OVCH1: variants seen among roughly 807,000 people sequenced by gnomAD.
The protein encoded by OVCH1 is ovochymase-1.
Under a neutral mutation model 138.4 loss-of-function variants are expected in OVCH1, and 139 were observed. The observed-to-expected ratio is 1.00, with a 90% CI of 0.87 to 1.16. The LOEUF (loss-of-function observed/expected upper bound fraction) is 1.16. OVCH1 is among the 50% of genes most tolerant of loss of function. The pLI is 0.00. For missense variants in OVCH1, 1,367 were observed against 1,357.9 expected (o/e 1.01, Z -0.11); for synonymous variants, 453 against 467.8 (o/e 0.97, Z 0.41).
At chr12:29,411,071 G>A (rs1940948755), downstream of OVCH1, among the ~76,000 whole-genome samples, 2 of 133,742 alleles carry the variant, frequency 1.5e-5, no homozygotes, top group East Asian at 4.4e-4. Flanking sequence ...TTCCATCGCT[G>A]ATACCCTTTC....
At chr12:29,455,521 A>T in intron 19 of OVCH1, 116 bp from the exon 20 acceptor site, 1 of 1,174,268 alleles carries the variant, frequency 8.5e-7, no homozygotes, top group Non-Finnish European at 1.1e-6. Context: ...TTCCTTAAAG[A>T]TTTGTTTTGT....
intron 3 of OVCH1, among the ~76,000 whole-genome samples, chr12:29,420,150 T>G (rs992525075): frequency 6.6e-6 from 1 of 152,212 alleles, no homozygotes; most frequent in Admixed American, 6.5e-5. Flanking sequence ...CTGAGCAACC[T>G]TTAAACTGAG....
At chr12:29,425,072 A>G (rs1306216969), downstream of OVCH1, among the ~76,000 whole-genome samples, 2 of 152,188 alleles carry the variant, frequency 1.3e-5, no homozygotes, top group Non-Finnish European at 2.9e-5. Flanking sequence ...CTTGACTTCA[A>G]TGAAGCACTT....
chr12:29,497,387 A>G (rs546402082), intron 1 of OVCH1, among the ~76,000 whole-genome samples: 1 of 152,324 alleles, frequency 6.6e-6, no homozygotes, highest in East Asian at 1.9e-4. Context: ...TACACACATG[A>G]TTAGCAGGTG....
intron 27 of OVCH1, among the ~76,000 whole-genome samples, chr12:29,430,514 C>CAAT (rs1941249818): frequency 2.0e-5 from 3 of 152,144 alleles, no homozygotes. Context: ...GGGTGAGGTT[C>CAAT]CCAGGTCAAT....
At chr12:29,446,704 T>C (rs1485967950) in intron 22 of OVCH1, among the ~76,000 whole-genome samples, 1 of 152,052 alleles carries the variant, frequency 6.6e-6, no homozygotes, top group Non-Finnish European at 1.5e-5. Flanking sequence ...AATAATATAG[T>C]ATATTATTGA....
intron 15 of OVCH1, among the ~76,000 whole-genome samples, chr12:29,472,635 T>C (rs1346675339): frequency 6.6e-6 from 1 of 152,190 alleles, no homozygotes; most frequent in Non-Finnish European, 1.5e-5. Context: ...TGTGGAACAA[T>C]GAGGGATCAT....
At chr12:29,419,894 C>T (rs562666003) in intron 3 of OVCH1, among the ~76,000 whole-genome samples, 2 of 152,154 alleles carry the variant, frequency 1.3e-5, no homozygotes, top group South Asian at 4.2e-4. Flanking sequence ...CTGAAAATTG[C>T]CTTATAAGGA....
intron 5 of OVCH1, 104 bp from the exon 6 acceptor site, chr12:29,489,875 T>C (rs1183970043): frequency 1.6e-6 from 2 of 1,220,916 alleles, no homozygotes; most frequent in Non-Finnish European, 2.3e-6. Context: ...TTTAACCACA[T>C]GTAGAAGTAA....
At chr12:29,433,200 A>G (rs1592033917) in intron 27 of OVCH1, among the ~76,000 whole-genome samples, 1 of 151,922 alleles carries the variant, frequency 6.6e-6, no homozygotes, top group African/African-American at 2.4e-5. Flanking sequence ...CCCAAATCTC[A>G]CCTTGAATTG....
At chr12:29,492,964 T>C (rs559742412) in intron 4 of OVCH1, among the ~76,000 whole-genome samples, 2 of 152,272 alleles carry the variant, frequency 1.3e-5, no homozygotes, top group African/African-American at 4.8e-5. Context: ...CCCAGAAAGA[T>C]GGGAATTGCG....
intron 22 of OVCH1, among the ~76,000 whole-genome samples, chr12:29,448,065 A>T (rs1380016541): frequency 6.6e-6 from 1 of 150,496 alleles, no homozygotes; most frequent in Non-Finnish European, 1.5e-5. Flanking sequence ...GCTTCGTGGG[A>T]GACAATTTTT....
downstream of OVCH1, among the ~76,000 whole-genome samples, chr12:29,426,215 T>C (rs888854498): frequency 1.3e-5 from 2 of 152,202 alleles, no homozygotes; most frequent in African/African-American, 2.4e-5. Context: ...TTATTTAATC[T>C]CACCATGACC....
intron 3 of OVCH1, among the ~76,000 whole-genome samples, chr12:29,416,754 CA>C (rs1164762307): frequency 6.6e-6 from 1 of 152,112 alleles, no homozygotes; most frequent in Non-Finnish European, 1.5e-5. Context: ...TAGTTTATTA[CA>C]AAACTAAACA....
chr12:29,451,807 T>G (rs1941803785), intron 21 of OVCH1, among the ~76,000 whole-genome samples: 1 of 152,204 alleles, frequency 6.6e-6, no homozygotes, highest in Admixed American at 6.5e-5. Context: ...TAAATGAATT[T>G]TTAAAGTTTC....
At chr12:29,423,144 G>A, downstream of OVCH1, 1 of 436,156 alleles carries the variant, frequency 2.3e-6, no homozygotes, top group Non-Finnish European at 4.6e-6. Flanking sequence ...AGGAAATTGG[G>A]TCTCAATATT....
intron 26 of OVCH1, among the ~76,000 whole-genome samples, chr12:29,435,643 C>T (rs1156933717): frequency 6.6e-6 from 1 of 152,110 alleles, no homozygotes; most frequent in East Asian, 1.9e-4. Context: ...CATGAGCTAC[C>T]GCACCCGGAG....
intron 19 of OVCH1, among the ~76,000 whole-genome samples, chr12:29,461,542 A>G (rs1942130638): frequency 6.6e-6 from 1 of 152,148 alleles, no homozygotes; most frequent in Admixed American, 6.5e-5. Flanking sequence ...CCAAAGCCTT[A>G]TTTGTACCTG....
At chr12:29,488,561 G>T (rs10843431) in intron 6 of OVCH1, among the ~76,000 whole-genome samples, 59,673 of 145,982 alleles carry the variant, frequency 0.41, 12,358 homozygotes, top group East Asian at 0.56. Flanking sequence ...AGAGGTTGCC[G>T]TGAGCCAAGA....
Sources: gnomAD v4.1 joint callset for allele counts (sites outside exome capture counted in the v4.1 genomes callset) on GRCh38, gnomAD v4.1.1 for gene constraint, MANE v1.5 for transcripts, NCBI Gene and HGNC (gene_info 2026-07-23, HGNC 2026-07-21) for gene names.